The following DNM3 variants were observed in gnomAD, a reference collection of about 807,000 sequenced individuals.
DNM3 encodes dynamin-3.
Under a neutral mutation model 101.6 loss-of-function variants are expected in DNM3, and 47 were observed. The ratio of observed to expected loss-of-function variants is 0.46; its 90% CI spans 0.37 to 0.59. DNM3 has a LOEUF of 0.59. DNM3 is among the 20% of genes least tolerant of loss of function. The probability of loss-of-function intolerance (pLI) is 0.00; values close to 1 mark genes in which losing one functional copy is unlikely to be tolerated. For synonymous variants in DNM3, 385 were observed against 387.9 expected (o/e 0.99, Z 0.09); for missense variants, 849 against 1,085.7 (o/e 0.78, Z 3.06).
chr1:172,101,357 C>G (rs2054626279), intron 13 of DNM3, among the ~76,000 whole-genome samples: 1 of 152,132 alleles, frequency 6.6e-6, no homozygotes, highest in South Asian at 2.1e-4. Flanking sequence ...AATAATTCTA[C>G]TGACTATGTT....
intron 1 of DNM3, among the ~76,000 whole-genome samples, chr1:171,847,879 A>ACTCTCTCT (rs141950487): frequency 9.3e-5 from 13 of 140,486 alleles, no homozygotes; most frequent in African/African-American, 3.2e-4. Flanking sequence ...CATATTAATT[A>ACTCTCTCT]CTCTCTCTCT....
rs200498650 is a variant in DNM3 at position 172,323,223 on chromosome 1, AT to A, written c.1882-98del. The A allele has an allele frequency of 1.4e-3, 1,608 of 1,164,068 alleles. 23 individuals carry two copies. The African/African-American group carries it at 0.02, about 15-fold the overall frequency. The allele number at this position is 1,164,068 out of a possible 1,614,324, so 72.1% of individuals were successfully genotyped here. A position where few individuals can be genotyped will look rare whatever the true frequency, so the allele number is the denominator to read the frequency against. ...ACTCTAGCAAGAAAAACCTCATTTT[AT>A]TTTTTTTAATATCCAGAGAAAGTAG... On this transcript the variant is annotated intron_variant, in intron 16 of 20. Transcript: ENST00000627582.
intron 14 of DNM3, among the ~76,000 whole-genome samples, chr1:172,135,409 C>T (rs1289457164): frequency 6.6e-6 from 1 of 152,014 alleles, no homozygotes; most frequent in African/African-American, 2.4e-5. Flanking sequence ...TATTGAATTA[C>T]AGAATAAAAT....
chr1:172,403,450 A>G lies in DNM3; in HGVS notation c.2523-4322A>G, dbSNP rs183240801. Among the ~76,000 whole-genome samples the G allele has an allele frequency of 6.5e-3, 987 of 152,266 alleles. 10 individuals carry two copies. Among genetic ancestry groups the G allele is most frequent in the Non-Finnish European group, 9.9e-3 (673 of 68,004 alleles). The stretch of plus-strand genomic sequence containing the variant: ...ATGAACACTCAGGACCAGCTAATCC[A>G]AAGAAGAGCAGATGAAATTTTAGTT... On this transcript the variant is annotated intron_variant, in intron 20 of 20. Coordinates refer to ENST00000627582, the MANE Select transcript of DNM3 (RefSeq NM_015569.5).
intron 14 of DNM3, among the ~76,000 whole-genome samples, chr1:172,181,611 A>G (rs1341449350): frequency 1.3e-5 from 2 of 151,338 alleles, no homozygotes; most frequent in African/African-American, 2.5e-5. Context: ...TATTGCTACT[A>G]AACTGGTGCC....
chr1:172,096,752 G>A (rs964831003), intron 13 of DNM3, among the ~76,000 whole-genome samples: 1 of 152,192 alleles, frequency 6.6e-6, no homozygotes, highest in African/African-American at 2.4e-5. Context: ...AAGTGACAGA[G>A]AACTCTTTCT....
chr1:172,011,952 G>A (rs889213851), intron 4 of DNM3, among the ~76,000 whole-genome samples: 1 of 151,952 alleles, frequency 6.6e-6, no homozygotes, highest in Non-Finnish European at 1.5e-5. Context: ...CACCTTAAAT[G>A]TTATCACATG....
chr1:171,986,954 C>T (rs182287835), intron 2 of DNM3, among the ~76,000 whole-genome samples: 25 of 152,146 alleles, frequency 1.6e-4, no homozygotes, highest in African/African-American at 5.8e-4. Context: ...TGATAATACA[C>T]CAGCTTGTAG....
intron 13 of DNM3, among the ~76,000 whole-genome samples, chr1:172,124,064 G>A (rs1224914928): frequency 6.6e-6 from 1 of 152,122 alleles, no homozygotes; most frequent in African/African-American, 2.4e-5. Flanking sequence ...CTTATTTCTT[G>A]TTTCAAATTA....
At chr1:172,316,479 G>C (rs1214690510) in intron 16 of DNM3, among the ~76,000 whole-genome samples, 1 of 152,042 alleles carries the variant, frequency 6.6e-6, no homozygotes, top group Non-Finnish European at 1.5e-5. Flanking sequence ...TCAGTGTGCT[G>C]TATTCAGGAA....
At chr1:171,998,046 T>C (rs1316478380) in intron 4 of DNM3, among the ~76,000 whole-genome samples, 1 of 152,076 alleles carries the variant, frequency 6.6e-6, no homozygotes, top group African/African-American at 2.4e-5. Flanking sequence ...GGAATTGAGC[T>C]AGAGAGGTCA....
chr1:172,417,628 C>T (rs2071475927), downstream of DNM3, among the ~76,000 whole-genome samples: 1 of 152,166 alleles, frequency 6.6e-6, no homozygotes, highest in Non-Finnish European at 1.5e-5. Context: ...TGGACCAGAC[C>T]TTGCCTCCTA....
chr1:172,291,542 G>T (rs1039028785), intron 15 of DNM3, among the ~76,000 whole-genome samples: 7 of 152,176 alleles, frequency 4.6e-5, no homozygotes, highest in Non-Finnish European at 1.5e-5. Flanking sequence ...ATTCTTATCT[G>T]ATTATGTATT....
At chr1:171,896,066 G>A (rs1031355763) in intron 1 of DNM3, among the ~76,000 whole-genome samples, 12 of 152,162 alleles carry the variant, frequency 7.9e-5, no homozygotes, top group African/African-American at 2.7e-4. Context: ...TTGAAGTCAG[G>A]TAGCGTGATG....
chr1:172,233,479 C>T (rs1573052623), intron 14 of DNM3, among the ~76,000 whole-genome samples: 1 of 152,324 alleles, frequency 6.6e-6, no homozygotes, highest in South Asian at 2.1e-4. Flanking sequence ...GAACTGATAC[C>T]ATTCCTTCTG....
rs74645636 is a variant in DNM3, at chr1:171,891,606, A to G, written c.162-30142A>G. Among the ~76,000 whole-genome samples, 216 of 152,188 alleles carry G rather than the reference A, an allele frequency of 1.4e-3. 4 individuals carry two copies. In the East Asian group the frequency reaches 0.04, roughly 28 times the overall value. On this transcript the variant is annotated intron_variant, in intron 1 of 20. Coordinates refer to ENST00000627582, the MANE Select transcript of DNM3 (RefSeq NM_015569.5). Reference sequence around the variant, plus strand: ...CTCTAGGCTCTTCTTAGATGTGACAATTTCTCAGACTTTATTTCTTATGAC... The same window carrying G: ...CTCTAGGCTCTTCTTAGATGTGACAGTTTCTCAGACTTTATTTCTTATGAC...
At chr1:172,166,678 G>T (rs1037977848) in intron 14 of DNM3, among the ~76,000 whole-genome samples, 9 of 152,098 alleles carry the variant, frequency 5.9e-5, no homozygotes, top group African/African-American at 2.2e-4. Flanking sequence ...TTAATTATAT[G>T]AATAATTACA....
chr1:172,132,622 A>G (rs188034060), intron 14 of DNM3, among the ~76,000 whole-genome samples: 1 of 152,176 alleles, frequency 6.6e-6, no homozygotes, highest in East Asian at 1.9e-4. Context: ...TATTAGATAT[A>G]TTTTCCCTCC....
At chr1:172,283,248 T>C (rs2063556606) in intron 15 of DNM3, among the ~76,000 whole-genome samples, 1 of 152,188 alleles carries the variant, frequency 6.6e-6, no homozygotes, top group Non-Finnish European at 1.5e-5. Flanking sequence ...TTTAGCCTCA[T>C]CTCTCTTCTC....
Sources: allele counts gnomAD v4.1 joint callset (sites outside exome capture counted in the v4.1 genomes callset), GRCh38; gene constraint gnomAD v4.1.1; transcripts MANE v1.5; gene names NCBI Gene and HGNC (gene_info 2026-07-23, HGNC 2026-07-21).